Variants in LARP1 observed in about 807,000 individuals in gnomAD.
LARP1 encodes the protein La ribonucleoprotein 1, translational regulator, also known as la-related protein 1.
LARP1 carries 36 observed loss-of-function variants against 122.7 expected under a neutral mutation model. That is an observed-to-expected ratio of 0.29 (90% CI 0.22 to 0.39). The LOEUF is 0.39. Ranked by LOEUF, LARP1 falls within the 10% of genes least tolerant of loss-of-function variation. The pLI is 1.00. For missense variants in LARP1, 1,040 were observed against 1,403.6 expected, an observed-to-expected ratio of 0.74 and a Z score of 4.14; for synonymous variants, 539 against 528.7, an observed-to-expected ratio of 1.02 and a Z score of -0.27.
At chr5:154,793,274 T>A (rs1757477115) in intron 4 of LARP1, among the ~76,000 whole-genome samples, 1 of 152,074 alleles carries the variant, frequency 6.6e-6, no homozygotes, top group Non-Finnish European at 1.5e-5. Flanking sequence ...TCGTAGGCAG[T>A]GTTTTGGCAC....
chr5:154,726,846 C>T (rs1284016236), intron 1 of LARP1, among the ~76,000 whole-genome samples: 2 of 152,202 alleles, frequency 1.3e-5, no homozygotes, highest in Admixed American at 6.5e-5. Context: ...CACCTCCGTA[C>T]AGGGCAGCAG....
rs1457733467 is a variant in LARP1 at position 154,802,127 on chromosome 5, A to T, written c.1837A>T (p.Met613Leu). 2 of 1,614,128 alleles carry T rather than the reference A, an allele frequency of 1.2e-6. No homozygotes were observed. Among genetic ancestry groups the T allele is most frequent in the South Asian group, 1.1e-5 (1 of 91,082 alleles). ...EELDFLFDEEMEQMDGRKNTF... is the reference protein window; with the variant it reads ...EELDFLFDEELEQMDGRKNTF... Reference sequence around the variant, plus strand: ...ACTGGATTTTCTGTTTGACGAGGAGATGGAGCAGATGGATGGGCGGAAGAA... The same window carrying T: ...ACTGGATTTTCTGTTTGACGAGGAGTTGGAGCAGATGGATGGGCGGAAGAA... The change falls in exon 11 of 19, where the codon ATG becomes TTG. Residue 613 changes from methionine to leucine, a missense_variant. By Grantham distance (15) the Met-to-Leu change is conservative. Around this residue, in one of 8 missense-constraint regions of LARP1, gnomAD observed 362 missense variants for 533.1 expected, o/e 0.68. Coordinates refer to ENST00000518297, the MANE Select transcript of LARP1 (RefSeq NM_033551.3). The surrounding 1 kb of genome is among the most constrained non-coding windows in gnomAD (Gnocchi z 5.1).
rs755409723 is a variant in LARP1 at position 154,792,730 on chromosome 5, T to A, written c.673T>A (p.Ser225Thr). Reference sequence around the variant, plus strand: ...TAGTAAGGAGAGTCCAAAAACCAAATCAGATGAATCAGGGGAGGAAAAGAA... The same window carrying A: ...TAGTAAGGAGAGTCCAAAAACCAAAACAGATGAATCAGGGGAGGAAAAGAA... The part of the protein sequence containing the change: ...SDSKESPKTK[S>T]DESGEEKNGD... Residue 225 changes from serine to threonine, a missense_variant, in exon 4 of 19, where the codon TCA (serine) becomes ACA (threonine). Coordinates refer to ENST00000518297, the MANE Select transcript of LARP1 (RefSeq NM_033551.3). 6.2e-7 allele frequency: 1 copy of A among 1,613,774 alleles called. No homozygotes were observed. The highest frequency in any genetic ancestry group is 8.5e-7 in the Non-Finnish European group (1 of 1,179,956).
chr5:154,761,032 A>AT (rs2113590245), intron 1 of LARP1, among the ~76,000 whole-genome samples: 2 of 152,374 alleles, frequency 1.3e-5, no homozygotes, highest in South Asian at 4.1e-4. Context: ...AGTCTATTAC[A>AT]TAAGACTTAA....
intron 10 of LARP1, 74 bp downstream of exon 10, chr5:154,800,116 C>T: frequency 7.3e-7 from 1 of 1,369,634 alleles, no homozygotes; most frequent in Non-Finnish European, 1.0e-6. Context: ...AACACATGGG[C>T]ACAGCACTCT....
intron 1 of LARP1, among the ~76,000 whole-genome samples, chr5:154,733,657 G>C (rs1258736787): frequency 6.6e-6 from 1 of 151,808 alleles, no homozygotes; most frequent in African/African-American, 2.4e-5. Context: ...CTGCCTTCCA[G>C]GTTCAAGCTA....
At chr5:154,778,717 G>T (rs983569500) in intron 1 of LARP1, among the ~76,000 whole-genome samples, 1 of 152,178 alleles carries the variant, frequency 6.6e-6, no homozygotes, top group Admixed American at 6.5e-5. Context: ...AAGAGCTCTG[G>T]TGTCTGCGCC....
At chr5:154,690,864 TA>T (rs1048188293) in intron 1 of LARP1, among the ~76,000 whole-genome samples, 2 of 151,896 alleles carry the variant, frequency 1.3e-5, no homozygotes, top group African/African-American at 2.4e-5. Context: ...AAAATAGATA[TA>T]AAAAAAACCC....
intron 1 of LARP1, among the ~76,000 whole-genome samples, chr5:154,738,643 G>C (rs1236923700): frequency 1.3e-5 from 2 of 151,876 alleles, no homozygotes; most frequent in East Asian, 3.9e-4. Flanking sequence ...ATAGACTGCT[G>C]GCTCCAATAT....
At chr5:154,766,451 G>T (rs1754960205) in intron 1 of LARP1, among the ~76,000 whole-genome samples, 1 of 152,230 alleles carries the variant, frequency 6.6e-6, no homozygotes, top group African/African-American at 2.4e-5. Flanking sequence ...TCATCACTTA[G>T]GGGTAGAGAG....
chr5:154,810,454 A>G (rs893500931), intron 16 of LARP1, among the ~76,000 whole-genome samples: 7 of 151,738 alleles, frequency 4.6e-5, no homozygotes, highest in African/African-American at 1.7e-4. Flanking sequence ...GAAAAAAAAA[A>G]GATCTAAATC....
At chr5:154,771,331 C>T (rs1755410285) in intron 1 of LARP1, among the ~76,000 whole-genome samples, 1 of 152,168 alleles carries the variant, frequency 6.6e-6, no homozygotes, top group Non-Finnish European at 1.5e-5. Context: ...AGCTACCACA[C>T]ACTCCTATTC....
chr5:154,765,590 C>A (rs1352452701), intron 1 of LARP1, among the ~76,000 whole-genome samples: 2 of 152,170 alleles, frequency 1.3e-5, no homozygotes, highest in Non-Finnish European at 2.9e-5. Flanking sequence ...AATGGGGTCT[C>A]ACTATGTTGC....
intron 14 of LARP1, 121 bp downstream of exon 14, chr5:154,804,428 T>A: frequency 1.3e-6 from 1 of 756,376 alleles, no homozygotes; most frequent in Non-Finnish European, 2.2e-6. Context: ...CTAAGAGGTT[T>A]TCAAAAAACC....
chr5:154,730,077 G>A (rs1198031707), intron 1 of LARP1, among the ~76,000 whole-genome samples: 1 of 152,328 alleles, frequency 6.6e-6, no homozygotes, highest in South Asian at 2.1e-4. Context: ...TTTTGGGGTA[G>A]TTTGCTTACA....
At chr5:154,747,993 T>C (rs1046886531) in intron 1 of LARP1, among the ~76,000 whole-genome samples, 2 of 152,182 alleles carry the variant, frequency 1.3e-5, no homozygotes, top group Non-Finnish European at 2.9e-5. Context: ...CCTACAGGTA[T>C]GCGGCACCAC....
chr5:154,789,544 T>A (rs1327104387), intron 1 of LARP1, among the ~76,000 whole-genome samples: 1 of 152,248 alleles, frequency 6.6e-6, no homozygotes, highest in African/African-American at 2.4e-5. Context: ...TCATTTATTG[T>A]GTCCGTCATT....
Position 154,704,596 on chromosome 5 carries a change from G to A in LARP1, c.-180+21559G>A, listed in dbSNP as rs1023588983. On this transcript the variant is annotated intron_variant, in intron 1 of 18. Coordinates refer to the LARP1 transcript ENST00000687700. ...TGGGAGGCAGAGGCTGCAGTAAGCC[G>A]AGATCGTGCCATTGCACTCCAGCTT... Among the ~76,000 whole-genome samples the A allele has an allele frequency of 4.8e-5, 7 of 145,218 alleles. No individual in the cohort carries two copies. The East Asian group carries it at 1.3e-3, about 26-fold the overall frequency.
intron 1 of LARP1, among the ~76,000 whole-genome samples, chr5:154,776,406 G>A (rs948156326): frequency 2.0e-5 from 3 of 152,196 alleles, no homozygotes; most frequent in African/African-American, 7.2e-5. Flanking sequence ...CTGGAGATTA[G>A]ACTGGTGGGT....
Sources: gnomAD v4.1 joint callset for allele counts (sites outside exome capture counted in the v4.1 genomes callset) on GRCh38, gnomAD v4.1.1 for gene constraint, gnomAD v4.1.1 regional missense constraint, Gnocchi (gnomAD v3.1) non-coding constraint, MANE v1.5 for transcripts, NCBI Gene and HGNC (gene_info 2026-07-23, HGNC 2026-07-21) for gene names.